ZFHX3: variants seen among roughly 807,000 people sequenced by gnomAD.
The protein encoded by ZFHX3 is zinc finger homeobox protein 3.
Under a neutral mutation model 279.1 loss-of-function variants are expected in ZFHX3, and 42 were observed. The observed-to-expected ratio is 0.15, with a 90% CI of 0.12 to 0.19. The LOEUF is 0.19. Among genes scored for constraint, ZFHX3 ranks in the 10% least tolerant of loss-of-function variants. ZFHX3 has a pLI of 1.00. For synonymous variants in ZFHX3, 2,293 were observed against 1,957.8 expected (o/e 1.17, Z -4.52); for missense variants, 4,981 against 4,754.0 (o/e 1.05, Z -1.40).
intron 2 of ZFHX3, among the ~76,000 whole-genome samples, chr16:73,595,575 T>C (rs933246682): frequency 7.2e-5 from 11 of 152,230 alleles, no homozygotes; most frequent in Non-Finnish European, 1.6e-4. Flanking sequence ...ATTTTGACTC[T>C]ATTCACACTC....
At chr16:73,427,771 TA>T (rs767091672) in intron 3 of ZFHX3, among the ~76,000 whole-genome samples, 571 of 139,424 alleles carry the variant, frequency 4.1e-3, no homozygotes, top group Non-Finnish European at 3.7e-3. Flanking sequence ...CTGTCTCTAC[TA>T]AAAAAAAAAA....
rs972583683 is a variant in ZFHX3 at position 73,471,979 on chromosome 16, C to T, written c.-1546-15721G>A. 2.6e-5 allele frequency among the ~76,000 whole-genome samples: 4 copies of T among 152,086 alleles called. No homozygotes were observed. The East Asian group carries it at 7.7e-4, about 29-fold the overall frequency. On this transcript the variant is annotated intron_variant, in intron 2 of 17. Transcript: ENST00000641206. ...CCTGACAAGGTGATGCTCAATTGAT[C>T]CAGTGCCCTGAGCACCTCAGAACCT...
intron 1 of ZFHX3, among the ~76,000 whole-genome samples, chr16:73,030,041 C>T (rs898699524): frequency 6.6e-6 from 1 of 152,106 alleles, no homozygotes; most frequent in Non-Finnish European, 1.5e-5. Flanking sequence ...TACTAATAAC[C>T]CAACATCTAA....
At chr16:73,143,652 TG>T (rs1467492051) in intron 6 of ZFHX3, 1 of 840,056 alleles carries the variant, frequency 1.2e-6, no homozygotes. Context: ...TGTTTGGTTT[TG>T]TTTGGTGTCC....
chr16:72,909,557 A>T (rs1455663552), intron 3 of ZFHX3, among the ~76,000 whole-genome samples: 1 of 152,154 alleles, frequency 6.6e-6, no homozygotes, highest in Non-Finnish European at 1.5e-5. Context: ...TTTGATAAGC[A>T]AAATAAGTTT....
chr16:73,682,870 GAAAGAAAGAA>G (rs1242876877), intron 1 of ZFHX3, among the ~76,000 whole-genome samples: 4 of 27,800 alleles, frequency 1.4e-4, no homozygotes, highest in East Asian at 5.3e-3. Context: ...AAGAAAGAAA[GAAAGAAAGAA>G]AGAAAGAAAG....
At chr16:72,919,602 A>C (rs2039530851) in intron 3 of ZFHX3, among the ~76,000 whole-genome samples, 1 of 151,990 alleles carries the variant, frequency 6.6e-6, no homozygotes, top group Non-Finnish European at 1.5e-5. Flanking sequence ...TGTATAAATC[A>C]TCACATTCTA....
At chr16:72,987,513 C>T (rs1962898990) in intron 1 of ZFHX3, among the ~76,000 whole-genome samples, 1 of 152,144 alleles carries the variant, frequency 6.6e-6, no homozygotes, top group Non-Finnish European at 1.5e-5. Flanking sequence ...CAGCTGCAAC[C>T]AGCAGCTCTG....
chr16:72,796,432 G>T lies in ZFHX3; in HGVS notation c.6250C>A (p.Pro2084Thr). 6.2e-7 allele frequency: 1 copy of T among 1,610,846 alleles called. No homozygotes were observed. ...ATCGGCATGGAGAGCTGGGTGAGCG[G>T]CACTGATGGCTGGGCCGGTGCAATT... ...PTIAPAQPSV[P>T]LTQLSMPMEL... is the part of the protein sequence containing the mutation. Residue 2084 changes from proline to threonine, a missense_variant, in exon 9 of 10, where the codon CCG (proline) becomes ACG (threonine). Physicochemically the swap from Pro to Thr is conservative, Grantham distance 38. Coordinates refer to ENST00000268489, the MANE Select transcript of ZFHX3 (RefSeq NM_006885.4).
intron 2 of ZFHX3, among the ~76,000 whole-genome samples, chr16:73,615,922 T>C (rs1182256930): frequency 6.6e-6 from 1 of 152,198 alleles, no homozygotes; most frequent in African/African-American, 2.4e-5. Context: ...ACTAGCCGTA[T>C]GGAAAAACGG....
chr16:73,796,203 A>G (rs1567413344), intron 1 of ZFHX3, among the ~76,000 whole-genome samples: 1 of 152,232 alleles, frequency 6.6e-6, no homozygotes, highest in Non-Finnish European at 1.5e-5. Flanking sequence ...AAAATAGCAC[A>G]AAGTATTACC....
intron 1 of ZFHX3, chr16:73,815,532 T>A (rs1419172399): frequency 6.6e-6 from 1 of 152,008 alleles, no homozygotes; most frequent in African/African-American, 2.4e-5. Flanking sequence ...CGAAATCTCA[T>A]CTACTGTTTA....
chr16:73,032,725 T>C (rs1316582119), intron 1 of ZFHX3, among the ~76,000 whole-genome samples: 2 of 151,344 alleles, frequency 1.3e-5, no homozygotes, highest in Non-Finnish European at 2.9e-5. Context: ...TCCACACGCT[T>C]GCAAAGGACT....
At chr16:73,541,794 T>C (rs890118989) in intron 2 of ZFHX3, among the ~76,000 whole-genome samples, 1,651 of 93,794 alleles carry the variant, frequency 0.018, 70 homozygotes, top group African/African-American at 0.076. Context: ...CTCTTTTTTT[T>C]TTTTTTTTTT....
chr16:73,858,971 G>A (rs1961811163), intron 1 of ZFHX3, among the ~76,000 whole-genome samples: 1 of 152,082 alleles, frequency 6.6e-6, no homozygotes, highest in African/African-American at 2.4e-5. Context: ...CATGATTTGT[G>A]CAAGCCTAAT....
intron 1 of ZFHX3, among the ~76,000 whole-genome samples, chr16:73,818,787 G>T (rs889610876): frequency 2.0e-5 from 3 of 152,194 alleles, no homozygotes; most frequent in African/African-American, 7.2e-5. Context: ...ATTGCTCACA[G>T]TTTGGGCCTT....
upstream of ZFHX3, among the ~76,000 whole-genome samples, chr16:73,051,732 C>T (rs1965453676): frequency 6.6e-6 from 1 of 152,056 alleles, no homozygotes; most frequent in African/African-American, 2.4e-5. Flanking sequence ...GTTACAAAGC[C>T]CCAAGTTTTA....
intron 3 of ZFHX3, among the ~76,000 whole-genome samples, chr16:73,330,856 C>T (rs1355214042): frequency 2.0e-5 from 3 of 152,184 alleles, no homozygotes; most frequent in African/African-American, 7.2e-5. Flanking sequence ...AGAGTAACAT[C>T]AACCCTATAC....
intron 1 of ZFHX3, among the ~76,000 whole-genome samples, chr16:73,858,155 TCTC>T (rs1237115856): frequency 6.6e-6 from 1 of 151,782 alleles, no homozygotes; most frequent in Non-Finnish European, 1.5e-5. Context: ...CAAAAAGCCT[TCTC>T]CTGCACTGCA....
Sources: gnomAD v4.1 joint callset for allele counts (sites outside exome capture counted in the v4.1 genomes callset) on GRCh38, gnomAD v4.1.1 for gene constraint, MANE v1.5 for transcripts, NCBI Gene and HGNC (gene_info 2026-07-23, HGNC 2026-07-21) for gene names.